Variants in HSPA12A observed in about 807,000 individuals in gnomAD.
HSPA12A encodes heat shock protein family A (Hsp70) member 12A.
Under a neutral mutation model 69.2 loss-of-function variants are expected in HSPA12A, and 28 were observed. The ratio of observed to expected loss-of-function variants is 0.40; its 90% CI spans 0.30 to 0.55. The LOEUF is 0.55. Among genes scored for constraint, HSPA12A ranks in the 20% least tolerant of loss-of-function variants. The pLI, the probability that HSPA12A is intolerant of heterozygous loss-of-function variation, is 0.38. For synonymous variants in HSPA12A, 345 were observed against 370.5 expected, an observed-to-expected ratio of 0.93 and a Z score of 0.79; for missense variants, 686 against 900.7, an observed-to-expected ratio of 0.76 and a Z score of 3.05.
chr10:116,705,061 G>A (rs1490040469), intron 3 of HSPA12A, 90 bp downstream of exon 3: 35 of 1,510,278 alleles, frequency 2.3e-5, no homozygotes, highest in East Asian at 7.0e-5. Context: ...GGCCGTCTTC[G>A]TAAGTGCCAA....
intron 2 of HSPA12A, among the ~76,000 whole-genome samples, chr10:116,803,257 C>T (rs960143506): frequency 3.9e-5 from 6 of 152,198 alleles, no homozygotes; most frequent in East Asian, 1.9e-4. Flanking sequence ...AGATGCCTGC[C>T]GACTCCTTGG....
intron 2 of HSPA12A, among the ~76,000 whole-genome samples, chr10:116,803,387 G>A (rs1666806675): frequency 6.6e-6 from 1 of 152,208 alleles, no homozygotes; most frequent in Non-Finnish European, 1.5e-5. Context: ...GACACTGTGG[G>A]GAAGAGGAAG....
At chr10:116,811,093 G>T (rs1244302907) in intron 2 of HSPA12A, among the ~76,000 whole-genome samples, 1 of 152,150 alleles carries the variant, frequency 6.6e-6, no homozygotes, top group African/African-American at 2.4e-5. Context: ...CTTCCTGGAG[G>T]AGGCAACATT....
intron 2 of HSPA12A, among the ~76,000 whole-genome samples, chr10:116,812,421 C>G (rs1269326782): frequency 6.6e-6 from 1 of 151,794 alleles, no homozygotes; most frequent in Non-Finnish European, 1.5e-5. Flanking sequence ...GCATTGCACT[C>G]CAGCCTAGGC....
intron 2 of HSPA12A, among the ~76,000 whole-genome samples, chr10:116,811,311 A>AGAGCC (rs1296340428): frequency 6.6e-6 from 1 of 152,184 alleles, no homozygotes; most frequent in African/African-American, 2.4e-5. Flanking sequence ...GAGACTATGC[A>AGAGCC]GAGCCTCAAG....
Position 116,800,826 on chromosome 10 carries a change from A to G in HSPA12A, c.91+34109T>C, listed in dbSNP as rs542115556. On this transcript the variant is annotated intron_variant, in intron 2 of 12. Coordinates refer to the HSPA12A transcript ENST00000635765. The stretch of plus-strand genomic sequence containing the variant: ...GAGGAAGACTCATCGGAATGCAAAC[A>G]GCAAGAAAGTCATCTAAAGTTGCAG... 1.3e-4 allele frequency among the ~76,000 whole-genome samples: 20 copies of G among 152,352 alleles called. No individual in the cohort carries two copies. The South Asian group carries it at 4.1e-3, about 32-fold the overall frequency.
At chr10:116,737,867 G>C (rs1851360829) in intron 1 of HSPA12A, among the ~76,000 whole-genome samples, 1 of 152,190 alleles carries the variant, frequency 6.6e-6, no homozygotes, top group South Asian at 2.1e-4. Flanking sequence ...AGGATCAGCA[G>C]GGCCCGCTTC....
At chr10:116,739,341 T>G (rs1191874199) in intron 1 of HSPA12A, among the ~76,000 whole-genome samples, 1 of 152,212 alleles carries the variant, frequency 6.6e-6, no homozygotes, top group Admixed American at 6.5e-5. Context: ...TAACTCAATA[T>G]TCCCAGGTTT....
intron 6 of HSPA12A, among the ~76,000 whole-genome samples, chr10:116,692,025 C>T (rs1256722195): frequency 6.6e-6 from 1 of 152,220 alleles, no homozygotes; most frequent in Non-Finnish European, 1.5e-5. Flanking sequence ...TCATTTCACC[C>T]ACAGAGAAAT....
chr10:116,735,200 T>C (rs1426990771), intron 1 of HSPA12A, among the ~76,000 whole-genome samples: 1 of 152,232 alleles, frequency 6.6e-6, no homozygotes, highest in Non-Finnish European at 1.5e-5. Context: ...AGAAGTGAGA[T>C]CTAACCTACA....
chr10:116,722,918 G>A (rs1554884557), intron 1 of HSPA12A, among the ~76,000 whole-genome samples: 1 of 152,088 alleles, frequency 6.6e-6, no homozygotes, highest in East Asian at 1.9e-4. Context: ...GGAAGGTGAC[G>A]CTTGGCTGGC....
At chr10:116,790,187 C>T (rs551463066) in intron 2 of HSPA12A, among the ~76,000 whole-genome samples, 107 of 150,100 alleles carry the variant, frequency 7.1e-4, no homozygotes, top group African/African-American at 2.1e-3. Context: ...CTGCAGGCTC[C>T]GCGCCCTGGG....
intron 1 of HSPA12A, among the ~76,000 whole-genome samples, chr10:116,718,250 G>A (rs577370739): frequency 9.2e-5 from 14 of 152,226 alleles, no homozygotes; most frequent in Non-Finnish European, 1.6e-4. Context: ...GGCCATTCCA[G>A]GCCAGTTGGT....
At chr10:116,741,294 G>C (rs1289619560) in intron 1 of HSPA12A, among the ~76,000 whole-genome samples, 2 of 152,274 alleles carry the variant, frequency 1.3e-5, no homozygotes, top group East Asian at 3.8e-4. Flanking sequence ...CAGCAAGACA[G>C]GGAACCCAGC....
chr10:116,777,449 C>T (rs1184498401), intron 2 of HSPA12A, among the ~76,000 whole-genome samples: 1 of 152,250 alleles, frequency 6.6e-6, no homozygotes, highest in Admixed American at 6.5e-5. Flanking sequence ...CTTCCTCCTC[C>T]TTCCTGCCCC....
intron 2 of HSPA12A, among the ~76,000 whole-genome samples, chr10:116,765,275 G>T (rs1443865391): frequency 1.3e-5 from 2 of 152,150 alleles, no homozygotes; most frequent in Non-Finnish European, 2.9e-5. Context: ...TGATATAGCT[G>T]ATTCCAGGAC....
At chr10:116,700,147 G>T (rs1203366617) in intron 4 of HSPA12A, among the ~76,000 whole-genome samples, 3 of 152,188 alleles carry the variant, frequency 2.0e-5, no homozygotes, top group African/African-American at 7.2e-5. Flanking sequence ...ACATAACTTG[G>T]ATTACATTTC....
intron 1 of HSPA12A, among the ~76,000 whole-genome samples, chr10:116,846,602 C>T (rs1310627068): frequency 6.6e-6 from 1 of 152,192 alleles, no homozygotes; most frequent in African/African-American, 2.4e-5. Flanking sequence ...CCCGCCTCGG[C>T]TTCCCAAAGT....
rs782629136 is a variant in HSPA12A, at chr10:116,675,214, C to T, written c.1595G>A (p.Arg532Gln). ...GLDPAVIKVR[R>Q]SPLTYGVGVL... is the part of the protein sequence containing the mutation. The stretch of plus-strand genomic sequence containing the variant: ...GCCTACCCCGTAGGTGAGCGGCGAC[C>T]GGCGCACCTTGATGACCGCGGGGTC... The change falls in exon 12 of 12, where the codon CGG becomes CAG. Residue 532 changes from arginine to glutamine, a missense_variant. Transcript: ENST00000369209. This position sits in a 1 kb window ranked among gnomAD's most constrained non-coding sequence, Gnocchi z 5.2. 11 of 1,613,666 alleles carry T rather than the reference C, an allele frequency of 6.8e-6. No individual in the cohort carries two copies. The highest frequency in any genetic ancestry group is 2.2e-5 in the East Asian group (1 of 44,858).
Sources: gnomAD v4.1 joint callset for allele counts (sites outside exome capture counted in the v4.1 genomes callset) on GRCh38, gnomAD v4.1.1 for gene constraint, Gnocchi (gnomAD v3.1) non-coding constraint, MANE v1.5 for transcripts, NCBI Gene and HGNC (gene_info 2026-07-23, HGNC 2026-07-21) for gene names.